Variants in GUCY1A2 observed in about 807,000 individuals in gnomAD.
GUCY1A2 encodes the protein guanylate cyclase soluble subunit alpha-2.
GUCY1A2 carries 27 observed loss-of-function variants against 63.5 expected under a neutral mutation model. The observed-to-expected ratio is 0.43, with a 90% CI of 0.31 to 0.59. The LOEUF (loss-of-function observed/expected upper bound fraction) is 0.59, where lower values mean the gene tolerates loss of function less well. Among genes scored for constraint, GUCY1A2 ranks in the 20% least tolerant of loss-of-function variants. The pLI is 0.11. For synonymous variants in GUCY1A2, 364 were observed against 343.5 expected, an observed-to-expected ratio of 1.06 and a Z score of -0.66; for missense variants, 768 against 913.3, an observed-to-expected ratio of 0.84 and a Z score of 2.05.
Position 106,911,050 on chromosome 11 carries a change from T to G in GUCY1A2, c.1206+28410A>C, listed in dbSNP as rs550203502. 7.3e-5 allele frequency among the ~76,000 whole-genome samples: 11 copies of G among 151,660 alleles called. No homozygotes were observed. In the East Asian group the frequency reaches 1.2e-3, roughly 16 times the overall value. On this transcript the variant is annotated intron_variant, in intron 4 of 7. Transcript: ENST00000526355. Reference sequence around the variant, plus strand: ...GCACATAGTTGAAGTTCAGTAAGTATGTATTAAAGGAAGAAAGAGAGGGAG... The same window carrying G: ...GCACATAGTTGAAGTTCAGTAAGTAGGTATTAAAGGAAGAAAGAGAGGGAG...
intron 4 of GUCY1A2, among the ~76,000 whole-genome samples, chr11:106,875,086 A>C (rs910039467): frequency 6.6e-6 from 1 of 152,188 alleles, no homozygotes; most frequent in Non-Finnish European, 1.5e-5. Flanking sequence ...AGATTTATCA[A>C]CCAGGTTTTT....
intron 6 of GUCY1A2, among the ~76,000 whole-genome samples, chr11:106,749,068 T>C (rs751481948): frequency 3.3e-5 from 5 of 152,074 alleles, no homozygotes; most frequent in Non-Finnish European, 7.4e-5. Flanking sequence ...CTTGTTTGGA[T>C]ACATAAATAC....
Position 106,994,731 on chromosome 11 carries a change from T to C in GUCY1A2, c.304-8600A>G, listed in dbSNP as rs114458639. 1.5e-3 allele frequency among the ~76,000 whole-genome samples: 230 copies of C among 152,332 alleles called. 2 individuals are homozygous for C. The highest frequency in any genetic ancestry group is 4.9e-3 in the African/African-American group (205 of 41,582). Reference sequence around the variant, plus strand: ...CAGGTCGTGGGTCTCCTGTGCTCTTTCTGTCACAAGCTGCATCCTCCATTG... The same window carrying C: ...CAGGTCGTGGGTCTCCTGTGCTCTTCCTGTCACAAGCTGCATCCTCCATTG... On this transcript the variant is annotated intron_variant, in intron 1 of 7. Coordinates refer to ENST00000526355, the MANE Select transcript of GUCY1A2 (RefSeq NM_000855.3).
chr11:106,967,858 G>GT (rs1441713011), intron 3 of GUCY1A2, among the ~76,000 whole-genome samples: 4 of 152,156 alleles, frequency 2.6e-5, no homozygotes, highest in African/African-American at 9.7e-5. Context: ...CATTAAGCAT[G>GT]TATCTGGAAG....
rs548265005 is a variant in GUCY1A2 at position 106,679,390 on chromosome 11, A to G, written c.*8159T>C. 5.1e-6 allele frequency: 1 copy of G among 195,210 alleles called. No individual in the cohort carries two copies. Among genetic ancestry groups the G allele is most frequent in the Non-Finnish European group, 1.1e-5 (1 of 94,018 alleles). 12.1% of individuals were successfully genotyped at this position (195,210 alleles called of 1,614,324 possible). ...ACAGATGGACATTTTTCTGCTCTAA[A>G]GTTCCACACTTGTTTTGCTAGCAGC... On this transcript the variant is annotated 3_prime_UTR_variant, in exon 8 of 8. Coordinates refer to ENST00000526355, the MANE Select transcript of GUCY1A2 (RefSeq NM_000855.3).
At chr11:106,692,533 A>G (rs1182484957) in intron 7 of GUCY1A2, among the ~76,000 whole-genome samples, 2 of 151,966 alleles carry the variant, frequency 1.3e-5, no homozygotes, top group African/African-American at 2.4e-5. Context: ...ATTTCCTCCA[A>G]TTTTCACCAA....
chr11:106,982,512 G>C lies in GUCY1A2; in HGVS notation c.365+3558C>G, dbSNP rs549189119. On this transcript the variant is annotated intron_variant, in intron 2 of 7. Coordinates refer to ENST00000526355, the MANE Select transcript of GUCY1A2 (RefSeq NM_000855.3). ...TGGGAACAAGAAGCTCTCCAAGTGAGCATGAATATGTAGAGTTTATATAGT... is the reference window on the plus strand; with the variant it reads ...TGGGAACAAGAAGCTCTCCAAGTGACCATGAATATGTAGAGTTTATATAGT... Among the ~76,000 whole-genome samples the C allele has an allele frequency of 8.5e-5, 13 of 152,260 alleles. No homozygotes were observed. The East Asian group carries it at 1.9e-3, about 23-fold the overall frequency.
chr11:106,907,017 T>C (rs944497598), intron 4 of GUCY1A2, among the ~76,000 whole-genome samples: 4 of 152,040 alleles, frequency 2.6e-5, no homozygotes, highest in Non-Finnish European at 4.4e-5. Context: ...CAAACCACCA[T>C]GGCACGTGTA....
At chr11:106,756,014 T>G (rs901506385) in intron 6 of GUCY1A2, among the ~76,000 whole-genome samples, 4 of 152,218 alleles carry the variant, frequency 2.6e-5, no homozygotes, top group Admixed American at 1.3e-4. Flanking sequence ...GGACTTGCTT[T>G]ATGAATCTGG....
intron 7 of GUCY1A2, among the ~76,000 whole-genome samples, chr11:106,689,957 G>A (rs1862593780): frequency 6.7e-6 from 1 of 150,054 alleles, no homozygotes; most frequent in African/African-American, 2.5e-5. Flanking sequence ...TCATACTACT[G>A]CTCTACAGCC....
At chr11:106,744,406 C>G (rs1269767850) in intron 6 of GUCY1A2, among the ~76,000 whole-genome samples, 1 of 152,062 alleles carries the variant, frequency 6.6e-6, no homozygotes, top group East Asian at 1.9e-4. Context: ...ACCACCACAC[C>G]CGGCTAATTT....
chr11:106,803,736 A>C (rs1424824549), intron 5 of GUCY1A2, among the ~76,000 whole-genome samples: 1 of 152,242 alleles, frequency 6.6e-6, no homozygotes, highest in East Asian at 1.9e-4. Flanking sequence ...AATGAGGCAG[A>C]GAGATTAAAT....
At chr11:107,001,651 T>C (rs535770302) in intron 1 of GUCY1A2, among the ~76,000 whole-genome samples, 79 of 152,144 alleles carry the variant, frequency 5.2e-4, no homozygotes, top group Non-Finnish European at 9.3e-4. Context: ...TATTCCCTTT[T>C]TTGGTTCTTA....
chr11:106,795,880 C>T (rs965650185), intron 5 of GUCY1A2, among the ~76,000 whole-genome samples: 1 of 151,974 alleles, frequency 6.6e-6, no homozygotes, highest in African/African-American at 2.4e-5. Context: ...ATATTAGAAT[C>T]TCATAGAATC....
At chr11:106,974,672 C>T (rs1177821726) in intron 3 of GUCY1A2, among the ~76,000 whole-genome samples, 1 of 152,036 alleles carries the variant, frequency 6.6e-6, no homozygotes, top group Admixed American at 6.6e-5. Flanking sequence ...TACTAGCCCT[C>T]TCCCAATAAA....
chr11:106,695,400 T>G (rs1862700163), intron 7 of GUCY1A2, among the ~76,000 whole-genome samples: 1 of 152,220 alleles, frequency 6.6e-6, no homozygotes, highest in Non-Finnish European at 1.5e-5. Context: ...TGAATATCTT[T>G]TTTTGCTAAG....
chr11:106,851,120 T>C (rs1859347992), intron 4 of GUCY1A2, among the ~76,000 whole-genome samples: 1 of 152,052 alleles, frequency 6.6e-6, no homozygotes, highest in Non-Finnish European at 1.5e-5. Flanking sequence ...ATATATTTCT[T>C]GGCCATTTGT....
chr11:106,934,232 T>C (rs964663930), intron 4 of GUCY1A2, among the ~76,000 whole-genome samples: 1 of 152,176 alleles, frequency 6.6e-6, no homozygotes, highest in Non-Finnish European at 1.5e-5. Flanking sequence ...CAGAGTGAAC[T>C]CCAGGTAATT....
intron 3 of GUCY1A2, among the ~76,000 whole-genome samples, chr11:106,966,831 T>C (rs186892728): frequency 1.3e-5 from 2 of 152,098 alleles, no homozygotes; most frequent in Non-Finnish European, 2.9e-5. Context: ...AAAGCAAAAA[T>C]GTACTGACAA....
Sources: gnomAD v4.1 joint callset for allele counts (sites outside exome capture counted in the v4.1 genomes callset) on GRCh38, gnomAD v4.1.1 for gene constraint, MANE v1.5 for transcripts, NCBI Gene and HGNC (gene_info 2026-07-23, HGNC 2026-07-21) for gene names.